Variants in PLCL1 observed in about 807,000 individuals in gnomAD.
PLCL1 encodes the protein phospholipase C like 1 (inactive).
In PLCL1, 41 loss-of-function variants were observed where a neutral mutation model predicts 84.4. The observed-to-expected ratio is 0.49, with a 90% confidence interval of 0.38 to 0.63. The LOEUF (loss-of-function observed/expected upper bound fraction) is 0.63, where lower values mean the gene tolerates loss of function less well. Ranked by LOEUF, PLCL1 falls within the 30% of genes least tolerant of loss-of-function variation. The pLI, the probability that PLCL1 is intolerant of heterozygous loss-of-function variation, is 0.00. For synonymous variants in PLCL1, 490 were observed against 488.3 expected (o/e 1.00, Z -0.05); for missense variants, 1,206 against 1,367.8 (o/e 0.88, Z 1.87).
chr2:197,854,149 C>G (rs574487839), intron 1 of PLCL1, among the ~76,000 whole-genome samples: 62 of 152,246 alleles, frequency 4.1e-4, no homozygotes, highest in Non-Finnish European at 7.1e-4. Context: ...AACACTGCAT[C>G]CTTGGCCCTG....
chr2:198,077,884 T>C (rs59050417), intron 1 of PLCL1, among the ~76,000 whole-genome samples: 2,742 of 152,316 alleles, frequency 0.018, 84 homozygotes, highest in African/African-American at 0.062. Flanking sequence ...AGTCATCCTT[T>C]ACTCAGTCAA....
chr2:198,138,891 C>T (rs1694318652), intron 5 of PLCL1, among the ~76,000 whole-genome samples: 1 of 152,042 alleles, frequency 6.6e-6, no homozygotes, highest in South Asian at 2.1e-4. Context: ...CGTGGTGGCT[C>T]ACACCTGTAA....
chr2:197,805,304 G>A lies in PLCL1; in HGVS notation c.205G>A (p.Ala69Thr), dbSNP rs1690449108. 4 of 1,305,342 alleles carry A rather than the reference G, an allele frequency of 3.1e-6. No individual in the cohort carries two copies. Among genetic ancestry groups the A allele is most frequent in the South Asian group, 4.7e-5 (2 of 42,924 alleles). The allele number at this position is 1,305,342 out of a possible 1,614,324, so 80.9% of individuals were successfully genotyped here. A position where few individuals can be genotyped will look rare whatever the true frequency, so the allele number is the denominator to read the frequency against. ...ADSEAGLLEA[A>T]RATPRRSSII... Reference sequence around the variant, plus strand: ...CAGCGAGGCGGGCCTCCTGGAGGCAGCACGGGCGACCCCCCGGCGCAGCAG... The same window carrying A: ...CAGCGAGGCGGGCCTCCTGGAGGCAACACGGGCGACCCCCCGGCGCAGCAG... The change falls in exon 1 of 6, where the codon GCA becomes ACA. Residue 69 changes from alanine (A) to threonine (T), a missense_variant. Ala to Thr is a moderately conservative substitution (Grantham distance 58, BLOSUM62 0). Coordinates refer to ENST00000428675, the MANE Select transcript of PLCL1 (RefSeq NM_006226.4). The surrounding 1 kb of genome is among the most constrained non-coding windows in gnomAD (Gnocchi z 4.0).
chr2:197,953,516 A>G (rs770250953), intron 1 of PLCL1, among the ~76,000 whole-genome samples: 1 of 152,054 alleles, frequency 6.6e-6, no homozygotes, highest in Non-Finnish European at 1.5e-5. Flanking sequence ...TTTTGCTCAG[A>G]GGTTAATTCC....
At chr2:197,937,703 C>A (rs1476778031) in intron 1 of PLCL1, among the ~76,000 whole-genome samples, 1 of 152,090 alleles carries the variant, frequency 6.6e-6, no homozygotes, top group African/African-American at 2.4e-5. Context: ...AAACCTTAGA[C>A]ATAGAATTTT....
intron 1 of PLCL1, among the ~76,000 whole-genome samples, chr2:198,014,554 T>C (rs751001919): frequency 7.9e-5 from 12 of 152,118 alleles, no homozygotes; most frequent in Non-Finnish European, 1.2e-4. Context: ...ACCTTTTTTT[T>C]CTTGTTAATT....
At chr2:197,834,061 G>A (rs1335953478) in intron 1 of PLCL1, among the ~76,000 whole-genome samples, 1 of 152,154 alleles carries the variant, frequency 6.6e-6, no homozygotes, top group Non-Finnish European at 1.5e-5. Flanking sequence ...AACAAGCAGT[G>A]GGGTAAGATT....
At chr2:198,071,011 C>T in intron 1 of PLCL1, 1 of 912,546 alleles carries the variant, frequency 1.1e-6, no homozygotes, top group Non-Finnish European at 1.3e-6. Context: ...GGAATATATT[C>T]TTCCAGACTT....
chr2:198,014,369 C>G (rs1020487521), intron 1 of PLCL1, among the ~76,000 whole-genome samples: 1 of 152,072 alleles, frequency 6.6e-6, no homozygotes, highest in Admixed American at 6.6e-5. Flanking sequence ...CATTTACCAT[C>G]AATGTGAGCT....
intron 5 of PLCL1, among the ~76,000 whole-genome samples, chr2:198,110,264 A>C (rs145485051): frequency 2.0e-5 from 3 of 151,826 alleles, no homozygotes; most frequent in African/African-American, 7.3e-5. Context: ...ACTTTTCCCC[A>C]TAACGCTTTT....
intron 1 of PLCL1, among the ~76,000 whole-genome samples, chr2:197,977,452 A>G (rs2105801978): frequency 6.6e-6 from 1 of 152,320 alleles, no homozygotes; most frequent in East Asian, 1.9e-4. Context: ...GCTTCATTGC[A>G]GTCTCATTAC....
chr2:198,028,204 A>C (rs533699264), intron 1 of PLCL1, among the ~76,000 whole-genome samples: 4 of 152,358 alleles, frequency 2.6e-5, no homozygotes, highest in East Asian at 3.9e-4. Flanking sequence ...ATAAAAAGTT[A>C]AAAGTAAAAA....
intron 1 of PLCL1, among the ~76,000 whole-genome samples, chr2:197,946,318 G>A (rs1364775181): frequency 2.6e-5 from 4 of 152,036 alleles, no homozygotes; most frequent in African/African-American, 9.7e-5. Context: ...AAACAAAGTC[G>A]AGAGGGGAAC....
chr2:197,866,175 ACTATATATATAT>A, intron 1 of PLCL1, among the ~76,000 whole-genome samples: 1 of 97,768 alleles, frequency 1.0e-5, no homozygotes, highest in Admixed American at 1.1e-4. Flanking sequence ...ATATATATAA[ACTATATATATAT>A]ATAAACTATA....
chr2:197,953,275 A>C (rs1463083971), intron 1 of PLCL1, among the ~76,000 whole-genome samples: 1 of 152,034 alleles, frequency 6.6e-6, no homozygotes. Context: ...CCCAGAAGAC[A>C]CTTACCAGTG....
chr2:197,981,174 T>C (rs1212869831), intron 1 of PLCL1, among the ~76,000 whole-genome samples: 1 of 152,224 alleles, frequency 6.6e-6, no homozygotes, highest in Non-Finnish European at 1.5e-5. Context: ...CAGTAGTTAA[T>C]TGTAGAATCT....
At chr2:197,962,645 T>A (rs953914649) in intron 1 of PLCL1, among the ~76,000 whole-genome samples, 1 of 152,060 alleles carries the variant, frequency 6.6e-6, no homozygotes, top group Non-Finnish European at 1.5e-5. Context: ...TACATTATTG[T>A]TCACTGTAGG....
chr2:197,896,664 G>T (rs75729481), intron 1 of PLCL1, among the ~76,000 whole-genome samples: 1 of 152,010 alleles, frequency 6.6e-6, no homozygotes, highest in African/African-American at 2.4e-5. Context: ...ACATGTCTGC[G>T]TTCAAGCTCA....
intron 1 of PLCL1, among the ~76,000 whole-genome samples, chr2:197,905,499 A>T (rs1269828129): frequency 6.6e-6 from 1 of 152,160 alleles, no homozygotes; most frequent in Non-Finnish European, 1.5e-5. Flanking sequence ...TCTATGATTG[A>T]TGGGCATTTG....
Sources: gnomAD v4.1 joint callset for allele counts (sites outside exome capture counted in the v4.1 genomes callset) on GRCh38, gnomAD v4.1.1 for gene constraint, Gnocchi (gnomAD v3.1) non-coding constraint, MANE v1.5 for transcripts, NCBI Gene and HGNC (gene_info 2026-07-23, HGNC 2026-07-21) for gene names.